MED12L: variants seen among roughly 807,000 people sequenced by gnomAD.
MED12L encodes the protein mediator complex subunit 12L.
Under a neutral mutation model 281.3 loss-of-function variants are expected in MED12L, and 60 were observed. The observed-to-expected ratio is 0.21, with a 90% CI of 0.17 to 0.26. The LOEUF is 0.26. MED12L is among the 10% of genes least tolerant of loss of function. MED12L has a pLI of 1.00. For synonymous variants in MED12L, 974 were observed against 987.2 expected (o/e 0.99, Z 0.25); for missense variants, 2,146 against 2,680.9 (o/e 0.80, Z 4.41).
chr3:151,259,110 T>A lies in MED12L; in HGVS notation c.2250+65444T>A, dbSNP rs376627547. On this transcript the variant is annotated intron_variant, in intron 16 of 44. Transcript: ENST00000687756. ...AAATATACTGGAATAAGGAGAACCT[T>A]TTTTAACACATGGACTGAAAGGTTC... Among the ~76,000 whole-genome samples the A allele has an allele frequency of 4.6e-4, 70 of 152,344 alleles. 1 individual carries two copies. The highest frequency in any genetic ancestry group is 1.6e-3 in the African/African-American group (68 of 41,574).
Position 151,360,507 on chromosome 3 carries a change from C to A in MED12L, c.2859C>A (p.Pro953=). The change falls in exon 21 of 45, where the codon CCC becomes CCA. Residue 953 remains proline, a synonymous_variant. Coordinates refer to ENST00000687756, the MANE Select transcript of MED12L (RefSeq NM_001393769.1). ...LCGVVKHVVN[P]SECSSPERCI... ...GTGTGGTCAAGCATGTCGTAAACCCCTCAGAATGTTCTTCCCCTGAAAGAT... is the reference window on the plus strand; with the variant it reads ...GTGTGGTCAAGCATGTCGTAAACCCATCAGAATGTTCTTCCCCTGAAAGAT... 1.9e-6 allele frequency: 3 copies of A among 1,612,898 alleles called. No homozygotes were observed. The highest frequency in any genetic ancestry group is 2.5e-6 in the Non-Finnish European group (3 of 1,179,142).
intron 11 of MED12L, among the ~76,000 whole-genome samples, chr3:151,166,427 A>G (rs1225837618): frequency 6.6e-6 from 1 of 152,124 alleles, no homozygotes; most frequent in Non-Finnish European, 1.5e-5. Context: ...GAACCAATAG[A>G]AAAAAAGTGT....
chr3:151,412,097 T>G (rs1445189072), intron 41 of MED12L, among the ~76,000 whole-genome samples: 2 of 152,194 alleles, frequency 1.3e-5, no homozygotes, highest in East Asian at 3.8e-4. Context: ...CTGTTTAAAT[T>G]TAGACTATTT....
intron 16 of MED12L, among the ~76,000 whole-genome samples, chr3:151,234,752 A>G (rs1732385086): frequency 2.0e-5 from 3 of 152,176 alleles, no homozygotes; most frequent in African/African-American, 7.2e-5. Flanking sequence ...CCTCTCTTCT[A>G]GTAAATGGCT....
Position 151,374,745 on chromosome 3 carries a change from T to A in MED12L, c.3865-1281T>A, listed in dbSNP as rs994409487. On this transcript the variant is annotated intron_variant, in intron 27 of 44. Transcript: ENST00000687756. Reference sequence around the variant, plus strand: ...GAAATAGAACTAGGTTCATTTGGTTTTGCATTATTTAAATTCCTTTCTTGT... The same window carrying A: ...GAAATAGAACTAGGTTCATTTGGTTATGCATTATTTAAATTCCTTTCTTGT... 5.3e-5 allele frequency among the ~76,000 whole-genome samples: 8 copies of A among 152,336 alleles called. 1 individual carries two copies. Among genetic ancestry groups the A allele is most frequent in the Admixed American group, 5.2e-4 (8 of 15,306 alleles).
intron 20 of MED12L, among the ~76,000 whole-genome samples, chr3:151,359,725 G>C (rs1268202795): frequency 2.6e-5 from 4 of 152,068 alleles, no homozygotes; most frequent in Non-Finnish European, 5.9e-5. Context: ...TCTGTCATCT[G>C]TGACTCCGTT....
At chr3:151,306,366 C>T (rs1746652015) in intron 16 of MED12L, among the ~76,000 whole-genome samples, 1 of 152,146 alleles carries the variant, frequency 6.6e-6, no homozygotes, top group Non-Finnish European at 1.5e-5. Context: ...TTTCTCTGTG[C>T]CTGCCCCTCT....
At chr3:151,150,237 T>C (rs1035577323) in intron 5 of MED12L, among the ~76,000 whole-genome samples, 2 of 152,256 alleles carry the variant, frequency 1.3e-5, no homozygotes, top group Non-Finnish European at 2.9e-5. Context: ...GATCATGGGC[T>C]ACAGAATGGA....
chr3:151,108,647 C>T (rs1711497302), intron 2 of MED12L, among the ~76,000 whole-genome samples: 1 of 152,138 alleles, frequency 6.6e-6, no homozygotes, highest in Non-Finnish European at 1.5e-5. Flanking sequence ...CTGTGGCTTT[C>T]TCATCCCTGG....
intron 38 of MED12L, among the ~76,000 whole-genome samples, chr3:151,393,089 A>G (rs1301564768): frequency 6.6e-6 from 1 of 152,184 alleles, no homozygotes; most frequent in Non-Finnish European, 1.5e-5. Context: ...CTTTGTAAAT[A>G]GAAGAAGATG....
intron 2 of MED12L, among the ~76,000 whole-genome samples, chr3:151,091,760 C>G (rs1360350857): frequency 6.6e-6 from 1 of 152,212 alleles, no homozygotes; most frequent in African/African-American, 2.4e-5. Flanking sequence ...CCCTACCAGT[C>G]TGGCCCTTGT....
intron 5 of MED12L, among the ~76,000 whole-genome samples, chr3:151,136,606 G>A (rs1716174176): frequency 6.6e-6 from 1 of 152,170 alleles, no homozygotes; most frequent in East Asian, 1.9e-4. Context: ...TTTGGTACCT[G>A]CAGCTATTCC....
chr3:151,112,618 T>G (rs915718535), intron 2 of MED12L, among the ~76,000 whole-genome samples: 1 of 152,220 alleles, frequency 6.6e-6, no homozygotes, highest in Non-Finnish European at 1.5e-5. Context: ...GTTACTTTCC[T>G]TTTTAAAAAT....
At position 151,304,262 on chromosome 3, in the gene MED12L, A is replaced by G. The variant is rs147534011; in HGVS notation, c.2251-45797A>G. ...ATTAATGGAGGGTTTTCTTAAGCAT[A>G]TCATTCAATGTCTGGCATTTAAAAA... On this transcript the variant is annotated intron_variant, in intron 16 of 44. Coordinates refer to ENST00000687756, the MANE Select transcript of MED12L (RefSeq NM_001393769.1). 1.2e-3 allele frequency among the ~76,000 whole-genome samples: 176 copies of G among 152,284 alleles called. 1 individual carries two copies. Among genetic ancestry groups the G allele is most frequent in the African/African-American group, 4.0e-3 (168 of 41,560 alleles).
At position 151,198,346 on chromosome 3, in the gene MED12L, T is replaced by TG. The variant is rs1724975971; in HGVS notation, c.2250+4680_2250+4681insG. On this transcript the variant is annotated intron_variant, in intron 16 of 44. Coordinates refer to ENST00000687756, the MANE Select transcript of MED12L (RefSeq NM_001393769.1). ...TTTCATACTGAGTTTTTTTTTGTTTTTTTTTTTTTTATCTTTCAAAGCTAT... is the reference window on the plus strand; with the variant it reads ...TTTCATACTGAGTTTTTTTTTGTTTTGTTTTTTTTTTATCTTTCAAAGCTAT... 34 of 1,073,458 alleles carry TG rather than the reference T, an allele frequency of 3.2e-5. No individual in the cohort carries two copies. In the African/African-American group the frequency reaches 4.9e-4, roughly 15 times the overall value. 66.5% of individuals were successfully genotyped at this position (1,073,458 alleles called of 1,614,324 possible). A position where few individuals can be genotyped will look rare whatever the true frequency, so the allele number is the denominator to read the frequency against.
At chr3:151,245,117 G>A (rs951153378) in intron 16 of MED12L, among the ~76,000 whole-genome samples, 2 of 152,196 alleles carry the variant, frequency 1.3e-5, no homozygotes, top group Non-Finnish European at 2.9e-5. Context: ...TGAAATTGTG[G>A]CAATAACCAA....
At chr3:151,421,939 T>G (rs985853880) in intron 43 of MED12L, among the ~76,000 whole-genome samples, 1 of 152,342 alleles carries the variant, frequency 6.6e-6, no homozygotes, top group Admixed American at 6.5e-5. Flanking sequence ...GTTTTGGGGT[T>G]CTGATTCATG....
At chr3:151,324,658 C>G (rs911247212) in intron 16 of MED12L, among the ~76,000 whole-genome samples, 3 of 152,140 alleles carry the variant, frequency 2.0e-5, no homozygotes, top group Non-Finnish European at 4.4e-5. Context: ...CATAGCCTGC[C>G]TGGGATTATT....
At chr3:151,184,510 A>G (rs142642185) in intron 11 of MED12L, among the ~76,000 whole-genome samples, 31 of 152,214 alleles carry the variant, frequency 2.0e-4, no homozygotes, top group Middle Eastern at 3.4e-3. Flanking sequence ...TTGATGTCCT[A>G]TTGGTTGGCG....
Sources: allele counts gnomAD v4.1 joint callset (sites outside exome capture counted in the v4.1 genomes callset), GRCh38; gene constraint gnomAD v4.1.1; transcripts MANE v1.5; gene names NCBI Gene and HGNC (gene_info 2026-07-23, HGNC 2026-07-21).